Variants in ZNF219 observed in about 807,000 individuals in gnomAD.
ZNF219 encodes the protein zinc finger protein 219.
ZNF219 carries 17 observed loss-of-function variants against 54.4 expected under a neutral mutation model. The observed-to-expected ratio is 0.31, with a 90% CI of 0.21 to 0.47. The LOEUF is 0.47. Among genes scored for constraint, ZNF219 ranks in the 20% least tolerant of loss-of-function variants. The probability of loss-of-function intolerance (pLI) is 1.00; values close to 1 mark genes in which losing one functional copy is unlikely to be tolerated. For missense variants in ZNF219, 1,014 were observed against 1,062.3 expected, an observed-to-expected ratio of 0.95 and a Z score of 0.63; for synonymous variants, 518 against 476.4, an observed-to-expected ratio of 1.09 and a Z score of -1.14.
At position 21,090,152 on chromosome 14, in the gene ZNF219, G is replaced by A. The variant is rs878999667; in HGVS notation, c.*384C>T. ...TGACAGGAATCGTACCAAAAATAGC[G>A]ACGTCTACAGGGCCCCTGATGGGGC... On this transcript the variant is annotated 3_prime_UTR_variant, in exon 5 of 5. Coordinates refer to ENST00000360947, the MANE Select transcript of ZNF219 (RefSeq NM_016423.3). This position sits in a 1 kb window ranked among gnomAD's most constrained non-coding sequence, Gnocchi z 4.4. 4.2e-6 allele frequency: 2 copies of A among 477,236 alleles called. No individual in the cohort carries two copies. The highest frequency in any genetic ancestry group is 3.1e-5 in the South Asian group (2 of 63,734). 29.6% of individuals were successfully genotyped at this position (477,236 alleles called of 1,614,324 possible).
At position 21,092,892 on chromosome 14, in the gene ZNF219, C is replaced by T. The variant is rs1889042334; in HGVS notation, c.405G>A (p.Gly135=). ...ERALLREARL[G]RARSSGGMQA... is the part of the protein sequence containing the mutation. ...GCATGCCCCCTGAGCTTCGGGCTCT[C>T]CCCAGTCGGGCCTCGCGTAGTAGCG... The change falls in exon 3 of 5, where the codon GGG becomes GGA. Residue 135 remains glycine, a synonymous_variant. Transcript: ENST00000360947. 3 of 1,547,232 alleles carry T rather than the reference C, an allele frequency of 1.9e-6. No homozygotes were observed. The highest frequency in any genetic ancestry group is 1.2e-5 in the South Asian group (1 of 80,612).
chr14:21,094,726 TGG>T (rs10687101), intron 1 of ZNF219, among the ~76,000 whole-genome samples: 1 of 5,892 alleles, frequency 1.7e-4, no homozygotes, highest in African/African-American at 7.5e-4. Context: ...GGATAGGGGT[TGG>T]GGGGGGGGGC....
upstream of ZNF219, chr14:21,102,409 G>A (rs748483408): frequency 9.8e-5 from 152 of 1,551,520 alleles, no homozygotes; most frequent in African/African-American, 1.6e-4. Context: ...TGGCAGGTGC[G>A]GGCCATGATG....
chr14:21,093,476 G>A, intron 2 of ZNF219, 110 bp downstream of exon 2: 1 of 1,465,374 alleles, frequency 6.8e-7, no homozygotes. Context: ...GAGATGTCAG[G>A]GCCAAGGAGT....
At chr14:21,091,801 G>C in intron 3 of ZNF219, 64 bp downstream of exon 3, 1 of 1,481,024 alleles carries the variant, frequency 6.8e-7, no homozygotes, top group Non-Finnish European at 8.9e-7. Context: ...AGCTACGAGG[G>C]AGTGGCGGCG....
intron 1 of ZNF219, among the ~76,000 whole-genome samples, chr14:21,097,788 G>A (rs1889358227): frequency 6.6e-6 from 1 of 152,088 alleles, no homozygotes; most frequent in Admixed American, 6.5e-5. Flanking sequence ...CACTTTGTTT[G>A]GGACGCAAAG....
chr14:21,094,922 T>C (rs63199862), intron 1 of ZNF219, among the ~76,000 whole-genome samples: 22 of 151,632 alleles, frequency 1.5e-4, no homozygotes, highest in Non-Finnish European at 3.2e-4. Flanking sequence ...TTTTTTTTTT[T>C]TTTTGTCTAA....
At chr14:21,102,555 CAAGAGGAGGT>C, upstream of ZNF219, 1 of 1,551,478 alleles carries the variant, frequency 6.4e-7, no homozygotes, top group Non-Finnish European at 8.7e-7. Flanking sequence ...GATAAGGAGG[CAAGAGGAGGT>C]GGGAAGGGAA....
chr14:21,096,895 A>G (rs1889300718), intron 1 of ZNF219, among the ~76,000 whole-genome samples: 1 of 152,226 alleles, frequency 6.6e-6, no homozygotes, highest in Non-Finnish European at 1.5e-5. Flanking sequence ...TTTTAGGGTC[A>G]AAGTGTAAGG....
rs1272240648 is a variant in ZNF219, at chr14:21,098,448, G to C, written c.-220C>G. ...CCCCGGCCCCCCCGCCCCCGGCCCG[G>C]CCCCCGCCCCCTCCCCGGTCCCCCG... On this transcript the variant is annotated 5_prime_UTR_variant, in exon 1 of 5. Transcript: ENST00000360947. The C allele has an allele frequency of 4.8e-6, 4 of 834,506 alleles. No individual in the cohort carries two copies. The highest frequency in any genetic ancestry group is 5.7e-6 in the Non-Finnish European group (4 of 696,006). The allele number at this position is 834,506 out of a possible 1,614,324, so 51.7% of individuals were successfully genotyped here.
upstream of ZNF219, among the ~76,000 whole-genome samples, chr14:21,100,692 G>A (rs1303571801): frequency 1.3e-5 from 2 of 152,166 alleles, no homozygotes; most frequent in Non-Finnish European, 2.9e-5. Context: ...CAGAAAGTGA[G>A]AGGCAAGAAA....
In ZNF219 at chr14:21,092,052, C is replaced by T; in HGVS notation, c.1245G>A (p.Pro415=). 6.5e-7 allele frequency: 1 copy of T among 1,544,356 alleles called. No homozygotes were observed. The highest frequency in any genetic ancestry group is 1.2e-5 in the South Asian group (1 of 83,430). Residue 415 remains proline, a synonymous_variant, in exon 3 of 5, where the codon CCG becomes CCA. Coordinates refer to ENST00000360947, the MANE Select transcript of ZNF219 (RefSeq NM_016423.3). The part of the protein sequence containing the change: ...GGFRPLSSAL[P]ARARRHRAEE... ...CCGCACGGTGCCGGCGAGCCCGGGCCGGGAGAGCAGAGGACAGCGGGCGGA... is the reference window on the plus strand; with the variant it reads ...CCGCACGGTGCCGGCGAGCCCGGGCTGGGAGAGCAGAGGACAGCGGGCGGA...
upstream of ZNF219, chr14:21,102,486 T>C: frequency 6.4e-7 from 1 of 1,551,714 alleles, no homozygotes; most frequent in South Asian, 1.2e-5. Flanking sequence ...GAAGACAGCC[T>C]TGGGGCCTGC....
Position 21,090,679 on chromosome 14 carries a change from G to A in ZNF219, c.2026C>T (p.Arg676Cys). 6.2e-7 allele frequency: 1 copy of A among 1,611,986 alleles called. No homozygotes were observed. Among genetic ancestry groups the A allele is most frequent in the Non-Finnish European group, 8.5e-7 (1 of 1,179,692 alleles). The change falls in exon 5 of 5, where the codon CGC (arginine) becomes TGC (cysteine). Residue 676 changes from arginine (R) to cysteine (C), a missense_variant. Physicochemically the swap from Arg to Cys is radical, Grantham distance 180. Around this residue, in one of 5 missense-constraint regions of ZNF219, gnomAD observed 281 missense variants for 271.2 expected, o/e 1.04. Transcript: ENST00000360947. The surrounding 1 kb of genome is among the most constrained non-coding windows in gnomAD (Gnocchi z 4.4). The part of the protein sequence containing the change: ...QVHHSRRARG[R>C]RPPQADASPP... ...GACGCGTCAGCCTGGGGTGGCCGGC[G>A]GCCCCTAGCCCGGCGGCTGTGGTGC...
At position 21,090,789 on chromosome 14, in the gene ZNF219, G is replaced by A; in HGVS notation, c.1916C>T (p.Ala639Val). 1.3e-6 allele frequency: 2 copies of A among 1,586,920 alleles called. No homozygotes were observed. The highest frequency in any genetic ancestry group is 1.7e-6 in the Non-Finnish European group (2 of 1,167,418). The part of the protein sequence containing the change: ...LSLRAGPGGE[A>V]GPGGALHRCL... ...GCGGTGGAGGGCACCCCCAGGCCCGGCCTCGCCTCCCGGCCCTGCCCGCAA... is the reference window on the plus strand; with the variant it reads ...GCGGTGGAGGGCACCCCCAGGCCCGACCTCGCCTCCCGGCCCTGCCCGCAA... The change falls in exon 5 of 5, where the codon GCC becomes GTC. Residue 639 changes from alanine (A) to valine (V), a missense_variant. Ala to Val is a moderately conservative substitution (Grantham distance 64, BLOSUM62 0). Around this residue, in one of 5 missense-constraint regions of ZNF219, gnomAD observed 281 missense variants for 271.2 expected, o/e 1.04. Coordinates refer to ENST00000360947, the MANE Select transcript of ZNF219 (RefSeq NM_016423.3). The surrounding 1 kb of genome is among the most constrained non-coding windows in gnomAD (Gnocchi z 4.4).
At chr14:21,102,065 G>T (rs762619558), upstream of ZNF219, 2 of 1,551,270 alleles carry the variant, frequency 1.3e-6, no homozygotes, top group African/African-American at 1.4e-5. Flanking sequence ...ACCATTCAGG[G>T]TCTCCTCACT....
Position 21,090,885 on chromosome 14 carries a change from C to G in ZNF219, c.1820G>C (p.Arg607Pro). 6.4e-7 allele frequency: 1 copy of G among 1,550,486 alleles called. No homozygotes were observed. The highest frequency in any genetic ancestry group is 8.7e-7 in the Non-Finnish European group (1 of 1,150,118). ...GGTCCTCCCAGGGCTGGCGGGCTTC[C>G]GACGGGACCCCGGCCCAGCACCGCT... The part of the protein sequence containing the change: ...PSSGAGPGSR[R>P]KPASPGRTLR... The change falls in exon 5 of 5, where the codon CGG becomes CCG. Residue 607 changes from arginine to proline, a missense_variant. Arg to Pro is a moderately radical substitution (Grantham distance 103, BLOSUM62 -2). Coordinates refer to ENST00000360947, the MANE Select transcript of ZNF219 (RefSeq NM_016423.3). This position sits in a 1 kb window ranked among gnomAD's most constrained non-coding sequence, Gnocchi z 4.4.
At chr14:21,098,192 T>A in intron 1 of ZNF219, 120 bp downstream of exon 1, 3 of 133,920 alleles carry the variant, frequency 2.2e-5, no homozygotes, top group East Asian at 5.6e-4. Context: ...CCCCGCCCCC[T>A]GCACCTGCTC....
At chr14:21,104,220 G>A (rs1031291024) in intron 1 of ZNF219, 1 of 152,266 alleles carries the variant, frequency 6.6e-6, no homozygotes, top group African/African-American at 2.4e-5. Flanking sequence ...CCGGTGTAAC[G>A]AGCCTGCGCT....
Sources: allele counts gnomAD v4.1 joint callset (sites outside exome capture counted in the v4.1 genomes callset), GRCh38; gene constraint gnomAD v4.1.1; regional missense constraint gnomAD v4.1.1; non-coding constraint Gnocchi (gnomAD v3.1); transcripts MANE v1.5; gene names NCBI Gene and HGNC (gene_info 2026-07-23, HGNC 2026-07-21).